The following NCAM2 variants were observed in gnomAD, a reference collection of about 807,000 sequenced individuals.
The protein encoded by NCAM2 is neural cell adhesion molecule 2.
A neutral mutation model predicts 98.1 loss-of-function variants in NCAM2; 30 were observed. That is an observed-to-expected ratio of 0.31 (90% CI 0.23 to 0.41). The LOEUF (loss-of-function observed/expected upper bound fraction) is 0.41. Ranked by LOEUF, NCAM2 falls within the 10% of genes least tolerant of loss-of-function variation. The probability of loss-of-function intolerance (pLI) is 1.00; values close to 1 mark genes in which losing one functional copy is unlikely to be tolerated. For synonymous variants in NCAM2, 368 were observed against 342.4 expected, an observed-to-expected ratio of 1.07 and a Z score of -0.83; for missense variants, 867 against 1,005.8, an observed-to-expected ratio of 0.86 and a Z score of 1.87.
At chr21:21,148,178 CTG>C (rs1454829674) in intron 1 of NCAM2, among the ~76,000 whole-genome samples, 1 of 152,156 alleles carries the variant, frequency 6.6e-6, no homozygotes, top group Admixed American at 6.5e-5. Flanking sequence ...TAAGAAACAA[CTG>C]TATAAACATA....
At chr21:21,435,465 A>G (rs943533146) in intron 12 of NCAM2, among the ~76,000 whole-genome samples, 3 of 152,058 alleles carry the variant, frequency 2.0e-5, no homozygotes, top group African/African-American at 4.8e-5. Context: ...TACTAGTTTC[A>G]TCAGTGGATT....
Position 21,410,442 on chromosome 21 carries a change from G to A in NCAM2, c.1364G>A (p.Gly455Glu), listed in dbSNP as rs1388555903. 1.3e-6 allele frequency: 2 copies of A among 1,553,710 alleles called. No homozygotes were observed. The highest frequency in any genetic ancestry group is 1.4e-5 in the African/African-American group (1 of 72,200). ...NTTNLKTYST[G>E]RKMILEIAPT... ...ACCAATTTAAAGACTTATAGTACAG[G>A]AAGAAAGATGATATTAGAGGTAAGT... is the stretch of plus-strand genomic sequence containing the variant. The change falls in exon 10 of 18, where the codon GGA becomes GAA. Residue 455 changes from glycine to glutamate, a missense_variant. This residue lies in a region of NCAM2 where 56 missense variants were observed against 39.6 expected (regional missense o/e 1.41). Transcript: ENST00000400546.
intron 5 of NCAM2, among the ~76,000 whole-genome samples, chr21:21,318,399 T>G (rs1399018341): frequency 6.6e-6 from 1 of 152,206 alleles, no homozygotes; most frequent in African/African-American, 2.4e-5. Context: ...CAGTAATGTT[T>G]TACCTCCTTT....
At chr21:21,388,180 G>A (rs1247080274) in intron 9 of NCAM2, among the ~76,000 whole-genome samples, 3 of 152,188 alleles carry the variant, frequency 2.0e-5, no homozygotes, top group Non-Finnish European at 4.4e-5. Flanking sequence ...CATATTTAAA[G>A]TGTTTGTTCA....
At chr21:21,142,625 C>T (rs557565162) in intron 1 of NCAM2, among the ~76,000 whole-genome samples, 25 of 152,144 alleles carry the variant, frequency 1.6e-4, no homozygotes, top group Non-Finnish European at 2.2e-4. Context: ...GTGATCCGCC[C>T]GCCTAGGCCT....
At chr21:21,399,605 A>G (rs2076585529) in intron 9 of NCAM2, among the ~76,000 whole-genome samples, 1 of 152,188 alleles carries the variant, frequency 6.6e-6, no homozygotes, top group Non-Finnish European at 1.5e-5. Flanking sequence ...TTCCCTAGTA[A>G]TGCCTTTTCA....
chr21:21,404,978 G>T (rs192628219), intron 9 of NCAM2, among the ~76,000 whole-genome samples: 1 of 151,730 alleles, frequency 6.6e-6, no homozygotes, highest in African/African-American at 2.4e-5. Flanking sequence ...TCCACATGTA[G>T]TAACGCATTT....
At chr21:21,491,396 C>T (rs1448324855) in intron 15 of NCAM2, among the ~76,000 whole-genome samples, 1 of 151,694 alleles carries the variant, frequency 6.6e-6, no homozygotes, top group African/African-American at 2.4e-5. Context: ...GATTTTTCTC[C>T]AGTTCCTTTG....
chr21:21,273,514 C>T (rs2072609279), intron 1 of NCAM2, among the ~76,000 whole-genome samples: 1 of 151,998 alleles, frequency 6.6e-6, no homozygotes. Flanking sequence ...AAGTAGTTGG[C>T]AGTATCTCAT....
chr21:21,453,088 ATATAT>A (rs1216408488), intron 12 of NCAM2, among the ~76,000 whole-genome samples: 12 of 127,046 alleles, frequency 9.4e-5, no homozygotes, highest in African/African-American at 2.7e-4. Flanking sequence ...TATATATTTA[ATATAT>A]TATATTAAAT....
intron 1 of NCAM2, among the ~76,000 whole-genome samples, chr21:21,170,808 A>G (rs543916589): frequency 1.7e-4 from 25 of 150,428 alleles, no homozygotes; most frequent in African/African-American, 6.1e-4. Context: ...TAACAAATGC[A>G]TCACTGTGGC....
At chr21:21,532,813 G>C (rs1360026626) in intron 16 of NCAM2, among the ~76,000 whole-genome samples, 1 of 152,080 alleles carries the variant, frequency 6.6e-6, no homozygotes, top group African/African-American at 2.4e-5. Flanking sequence ...TTAAGATCCA[G>C]TGGTGGTGGG....
intron 14 of NCAM2, among the ~76,000 whole-genome samples, chr21:21,473,710 T>G (rs1984780712): frequency 6.6e-6 from 1 of 151,972 alleles, no homozygotes; most frequent in African/African-American, 2.4e-5. Flanking sequence ...AAGGAGTCAG[T>G]AAACTGTTTC....
chr21:21,536,152 C>T (rs1293252098), intron 17 of NCAM2, among the ~76,000 whole-genome samples: 1 of 151,976 alleles, frequency 6.6e-6, no homozygotes, highest in Admixed American at 6.6e-5. Flanking sequence ...ATAGCCTGCT[C>T]TCGTTGGTAC....
intron 1 of NCAM2, among the ~76,000 whole-genome samples, chr21:21,227,335 A>T (rs1297406325): frequency 6.6e-6 from 1 of 151,872 alleles, no homozygotes; most frequent in Admixed American, 6.6e-5. Context: ...GGTAGTTACT[A>T]TAAAAACATA....
At chr21:21,314,024 G>C (rs1393834222) in intron 5 of NCAM2, among the ~76,000 whole-genome samples, 2 of 151,984 alleles carry the variant, frequency 1.3e-5, no homozygotes, top group African/African-American at 4.8e-5. Flanking sequence ...AATTCCATCA[G>C]AGAATTTGTT....
chr21:21,015,875 T>G (rs1225246551), intron 1 of NCAM2, among the ~76,000 whole-genome samples: 1 of 152,014 alleles, frequency 6.6e-6, no homozygotes, highest in Non-Finnish European at 1.5e-5. Context: ...GGCTAATTTT[T>G]TTTTTGTATT....
At position 21,237,722 on chromosome 21, in the gene NCAM2, C is replaced by A. The variant is rs73228556; in HGVS notation, c.56-42856C>A. On this transcript the variant is annotated intron_variant, in intron 1 of 17. Coordinates refer to ENST00000400546, the MANE Select transcript of NCAM2 (RefSeq NM_004540.5). ...TAAAGGTAAATTCATTTTCCCATAG[C>A]TATATTTCCTAATAAAGGGCATTAA... Among the ~76,000 whole-genome samples, 768 of 151,994 alleles carry A rather than the reference C, an allele frequency of 5.1e-3. 7 individuals are homozygous for A. Among genetic ancestry groups the A allele is most frequent in the Non-Finnish European group, 6.9e-3 (470 of 67,978 alleles).
intron 12 of NCAM2, among the ~76,000 whole-genome samples, chr21:21,446,307 T>G (rs2146104458): frequency 6.6e-6 from 1 of 152,232 alleles, no homozygotes; most frequent in African/African-American, 2.4e-5. Context: ...ATTATGTGTC[T>G]TGGGGTTGAC....
Sources: allele counts gnomAD v4.1 joint callset (sites outside exome capture counted in the v4.1 genomes callset), GRCh38; gene constraint gnomAD v4.1.1; regional missense constraint gnomAD v4.1.1; transcripts MANE v1.5; gene names NCBI Gene and HGNC (gene_info 2026-07-23, HGNC 2026-07-21).